The following RALYL variants were observed in gnomAD, a reference collection of about 807,000 sequenced individuals.
RALYL encodes RALY RNA binding protein like, also known as RNA-binding Raly-like protein.
RALYL carries 29 observed loss-of-function variants against 35.1 expected under a neutral mutation model. That is an observed-to-expected ratio of 0.83 (90% confidence interval 0.61 to 1.13). The LOEUF (loss-of-function observed/expected upper bound fraction) is 1.13. Among genes scored for constraint, RALYL ranks in the 50% most tolerant of loss-of-function variants. The pLI, the probability that RALYL is intolerant of heterozygous loss-of-function variation, is 0.00. For synonymous variants in RALYL, 120 were observed against 127.6 expected (o/e 0.94, Z 0.40); for missense variants, 359 against 360.4 (o/e 1.00, Z 0.03).
intron 1 of RALYL, among the ~76,000 whole-genome samples, chr8:84,194,682 T>C (rs533981481): frequency 6.6e-6 from 1 of 152,304 alleles, no homozygotes; most frequent in East Asian, 1.9e-4. Context: ...GCTAGTTCTG[T>C]TGCTGCTGCT....
At chr8:84,813,771 T>TAATA (rs1826451132) in intron 4 of RALYL, among the ~76,000 whole-genome samples, 1 of 150,966 alleles carries the variant, frequency 6.6e-6, no homozygotes, top group African/African-American at 2.5e-5. Flanking sequence ...ACTTTTTTTT[T>TAATA]AATACTTTAA....
intron 1 of RALYL, among the ~76,000 whole-genome samples, chr8:84,298,794 A>G (rs1478863648): frequency 2.0e-5 from 3 of 151,660 alleles, no homozygotes; most frequent in African/African-American, 7.3e-5. Context: ...CTGTTTTCCT[A>G]GCTTTGTGTG....
intron 8 of RALYL, among the ~76,000 whole-genome samples, chr8:84,907,779 G>C (rs977189557): frequency 2.6e-5 from 4 of 151,612 alleles, no homozygotes; most frequent in Non-Finnish European, 5.9e-5. Flanking sequence ...CTAAACTTTA[G>C]TTCACTCTAA....
intron 8 of RALYL, among the ~76,000 whole-genome samples, chr8:84,888,693 T>C (rs138436251): frequency 6.6e-6 from 1 of 152,320 alleles, no homozygotes; most frequent in Admixed American, 6.5e-5. Context: ...CTATATTAAC[T>C]TTTAACATGC....
chr8:84,501,948 G>C (rs747726649), intron 1 of RALYL, among the ~76,000 whole-genome samples: 1 of 151,396 alleles, frequency 6.6e-6, no homozygotes, highest in Admixed American at 6.6e-5. Flanking sequence ...TGAAGCCTTA[G>C]ACCATTGAAA....
At chr8:84,404,533 G>A (rs1284272870) in intron 1 of RALYL, among the ~76,000 whole-genome samples, 2 of 152,130 alleles carry the variant, frequency 1.3e-5, no homozygotes, top group East Asian at 3.8e-4. Context: ...ACTTGATTGT[G>A]GTGGATAAGC....
intron 4 of RALYL, among the ~76,000 whole-genome samples, chr8:84,833,288 A>C (rs180739288): frequency 6.6e-6 from 1 of 152,312 alleles, no homozygotes; most frequent in Admixed American, 6.5e-5. Context: ...GTGAAAGTCC[A>C]ATGGAATTAT....
chr8:84,229,953 A>G lies in RALYL; in HGVS notation c.-24+45529A>G, dbSNP rs773059628. On this transcript the variant is annotated intron_variant, in intron 1 of 8. Transcript: ENST00000521268. ...TAAAACCTGAGAACTTGAGTGTAAT[A>G]TAAGTGAAATAGAAAATTGCTAAAA... is the stretch of plus-strand genomic sequence containing the variant. Among the ~76,000 whole-genome samples the G allele has an allele frequency of 2.6e-5, 4 of 152,310 alleles. No individual in the cohort carries two copies. The East Asian group carries it at 7.7e-4, about 29-fold the overall frequency.
At chr8:84,585,019 C>T (rs993140056) in intron 2 of RALYL, among the ~76,000 whole-genome samples, 7 of 152,164 alleles carry the variant, frequency 4.6e-5, no homozygotes, top group Non-Finnish European at 7.4e-5. Context: ...GTTTCTGCCT[C>T]ACTAGCTGTT....
chr8:84,782,708 G>A (rs1464932025), intron 3 of RALYL, among the ~76,000 whole-genome samples: 1 of 152,182 alleles, frequency 6.6e-6, no homozygotes, highest in Non-Finnish European at 1.5e-5. Flanking sequence ...CAACAACAGC[G>A]CTAGTCCCTA....
chr8:84,587,380 A>G (rs963380926), intron 2 of RALYL, among the ~76,000 whole-genome samples: 1 of 152,216 alleles, frequency 6.6e-6, no homozygotes, highest in South Asian at 2.1e-4. Flanking sequence ...TATCTTATGT[A>G]TTAAATGTTA....
At chr8:84,683,578 C>T (rs974106266) in intron 2 of RALYL, among the ~76,000 whole-genome samples, 88 of 152,174 alleles carry the variant, frequency 5.8e-4, no homozygotes, top group Middle Eastern at 6.8e-3. Flanking sequence ...TTGAAAGATA[C>T]CAGATTTGCA....
chr8:84,328,772 T>G (rs1384911649), intron 1 of RALYL, among the ~76,000 whole-genome samples: 1 of 152,134 alleles, frequency 6.6e-6, no homozygotes, highest in African/African-American at 2.4e-5. Flanking sequence ...CTCCCCACTC[T>G]GGGAGTCCCC....
intron 2 of RALYL, among the ~76,000 whole-genome samples, chr8:84,750,215 T>G (rs72681034): frequency 0.016 from 2,464 of 152,272 alleles, 33 homozygotes; most frequent in Non-Finnish European, 0.026. Context: ...AGTTTCTGAT[T>G]AAAGAGTTAA....
At chr8:84,455,222 T>TTTTTAAAAAAG (rs1276070029) in intron 1 of RALYL, among the ~76,000 whole-genome samples, 1 of 152,000 alleles carries the variant, frequency 6.6e-6, no homozygotes, top group Non-Finnish European at 1.5e-5. Context: ...TATGCTTTCT[T>TTTTTAAAAAAG]CATGTTAACC....
chr8:84,788,961 G>A (rs961885579), intron 3 of RALYL, among the ~76,000 whole-genome samples: 5 of 152,202 alleles, frequency 3.3e-5, no homozygotes, highest in Non-Finnish European at 5.9e-5. Flanking sequence ...GAAGACAATT[G>A]TGCCTGCCTA....
At chr8:84,244,874 G>C (rs539921371) in intron 1 of RALYL, among the ~76,000 whole-genome samples, 1 of 152,148 alleles carries the variant, frequency 6.6e-6, no homozygotes, top group African/African-American at 2.4e-5. Context: ...GATTTTGCCA[G>C]ATATGTAAAC....
At chr8:84,609,982 T>C (rs1817941741) in intron 2 of RALYL, among the ~76,000 whole-genome samples, 1 of 152,084 alleles carries the variant, frequency 6.6e-6, no homozygotes, top group African/African-American at 2.4e-5. Flanking sequence ...ACTTATTCAC[T>C]ATCATGAGAA....
intron 1 of RALYL, among the ~76,000 whole-genome samples, chr8:84,434,012 C>G (rs575152900): frequency 3.8e-4 from 58 of 152,052 alleles, no homozygotes; most frequent in African/African-American, 1.3e-3. Flanking sequence ...TCTAGAGCTG[C>G]CATAACAAAG....
Sources: allele counts gnomAD v4.1 joint callset (sites outside exome capture counted in the v4.1 genomes callset), GRCh38; gene constraint gnomAD v4.1.1; transcripts MANE v1.5; gene names NCBI Gene and HGNC (gene_info 2026-07-23, HGNC 2026-07-21).